PCDHGA7: variants seen among roughly 807,000 people sequenced by gnomAD.
PCDHGA7 encodes protocadherin gamma subfamily A, 7, also known as protocadherin gamma-A7.
A neutral mutation model predicts 58.3 loss-of-function variants in PCDHGA7; 44 were observed. The ratio of observed to expected loss-of-function variants is 0.75; its 90% CI spans 0.59 to 0.97. The LOEUF (loss-of-function observed/expected upper bound fraction) is 0.97. Ranked by LOEUF, PCDHGA7 falls within the 50% of genes least tolerant of loss-of-function variation. The pLI, the probability that PCDHGA7 is intolerant of heterozygous loss-of-function variation, is 0.00. For missense variants in PCDHGA7, 1,266 were observed against 1,188.7 expected (o/e 1.06, Z -0.96); for synonymous variants, 516 against 504.2 (o/e 1.02, Z -0.31).
At chr5:141,482,555 T>C (rs1419129474) in intron 1 of PCDHGA7, among the ~76,000 whole-genome samples, 1 of 116,392 alleles carries the variant, frequency 8.6e-6, no homozygotes, top group African/African-American at 3.8e-5. Context: ...AAAAAGATAA[T>C]GGAGATCTGC....
Position 141,430,120 on chromosome 5 carries a change from G to A in PCDHGA7, c.2424+44797G>A, listed in dbSNP as rs73280905. Among the ~76,000 whole-genome samples, 1,257 of 152,134 alleles carry A rather than the reference G, an allele frequency of 8.3e-3. 17 individuals are homozygous for A. Among genetic ancestry groups the A allele is most frequent in the African/African-American group, 0.029 (1,193 of 41,506 alleles). Reference sequence around the variant, plus strand: ...TTAAGCGTTACATGTCAACAACCTGGTAAAGTAATCCTTCCATTCAGGATC... The same window carrying A: ...TTAAGCGTTACATGTCAACAACCTGATAAAGTAATCCTTCCATTCAGGATC... On this transcript the variant is annotated intron_variant, in intron 1 of 3. Coordinates refer to ENST00000518325, the MANE Select transcript of PCDHGA7 (RefSeq NM_018920.4).
intron 1 of PCDHGA7, among the ~76,000 whole-genome samples, chr5:141,470,055 G>A (rs1432696943): frequency 1.3e-5 from 2 of 152,192 alleles, no homozygotes; most frequent in Non-Finnish European, 1.5e-5. Context: ...TTTGAACCCC[G>A]GAGGCAGAGA....
At chr5:141,510,519 C>A (rs182721864) in intron 3 of PCDHGA7, among the ~76,000 whole-genome samples, 1 of 152,260 alleles carries the variant, frequency 6.6e-6, no homozygotes, top group East Asian at 1.9e-4. Context: ...CGTGTCACAG[C>A]CCTGAGAGAA....
At chr5:141,441,791 C>T in intron 1 of PCDHGA7, 1 of 390,714 alleles carries the variant, frequency 2.6e-6, no homozygotes, top group Non-Finnish European at 5.1e-6. Flanking sequence ...TGAATGACAA[C>T]GCACCGCGGG....
At chr5:141,441,916 C>T (rs1340767725) in intron 1 of PCDHGA7, 9 of 352,248 alleles carry the variant, frequency 2.6e-5, no homozygotes, top group Non-Finnish European at 4.9e-5. Context: ...AGATGTGAGA[C>T]ACAATGCGTG....
At chr5:141,386,658 G>A (rs191902245) in intron 1 of PCDHGA7, among the ~76,000 whole-genome samples, 60 of 151,932 alleles carry the variant, frequency 3.9e-4, no homozygotes, top group African/African-American at 1.4e-3. Context: ...TACAAGTTCT[G>A]CAGTGTTCAC....
chr5:141,408,842 G>A, intron 1 of PCDHGA7: 1 of 1,613,598 alleles, frequency 6.2e-7, no homozygotes, highest in African/African-American at 1.3e-5. Flanking sequence ...GATATTGACT[G>A]CCTTGGACGG....
intron 2 of PCDHGA7, among the ~76,000 whole-genome samples, chr5:141,497,859 G>A (rs188372194): frequency 2.0e-4 from 31 of 152,134 alleles, no homozygotes; most frequent in Middle Eastern, 6.8e-3. Context: ...TTGATTCAGC[G>A]GCTCCAAAGT....
chr5:141,404,555 A>G (rs751841732), intron 1 of PCDHGA7: 1 of 1,613,802 alleles, frequency 6.2e-7, no homozygotes, highest in African/African-American at 1.3e-5. Flanking sequence ...GGTGACGGCA[A>G]GTGACAGTGG....
Position 141,486,632 on chromosome 5 carries a change from A to G in PCDHGA7, c.2425-8175A>G, listed in dbSNP as rs1304397413. The G allele has an allele frequency of 6.2e-7, 1 of 1,613,580 alleles. No individual in the cohort carries two copies. Among genetic ancestry groups the G allele is most frequent in the Non-Finnish European group, 8.5e-7 (1 of 1,180,040 alleles). ...AGCCTCTGACCCAGACTCTGGCTTG[A>G]ATGCGCTTATCTCCTACTCACTCCT... On this transcript the variant is annotated intron_variant, in intron 1 of 3. Coordinates refer to ENST00000518325, the MANE Select transcript of PCDHGA7 (RefSeq NM_018920.4). This position sits in a 1 kb window ranked among gnomAD's most constrained non-coding sequence, Gnocchi z 5.0.
In PCDHGA7 at chr5:141,431,457, T is replaced by C; in HGVS notation, c.2424+46134T>C. ...ACCGCGCGCATCCGCGTGATGGTTC[T>C]GGATGCGAACGACAACGCACCAGCG... On this transcript the variant is annotated intron_variant, in intron 1 of 3. Transcript: ENST00000518325. This position sits in a 1 kb window ranked among gnomAD's most constrained non-coding sequence, Gnocchi z 4.8. 6.2e-7 allele frequency: 1 copy of C among 1,613,818 alleles called. No homozygotes were observed. Among genetic ancestry groups the C allele is most frequent in the South Asian group, 1.1e-5 (1 of 91,088 alleles).
intron 1 of PCDHGA7, chr5:141,400,677 ATTGTGAGTT>A (rs1177028391): frequency 1.1e-6 from 1 of 900,130 alleles, no homozygotes; most frequent in African/African-American, 1.7e-5. Flanking sequence ...GGAGCAGTAA[ATTGTGAGTT>A]TTTATGTCGC....
At position 141,476,304 on chromosome 5, in the gene PCDHGA7, C is replaced by T. The variant is rs769790423; in HGVS notation, c.2425-18503C>T. On this transcript the variant is annotated intron_variant, in intron 1 of 3. Coordinates refer to ENST00000518325, the MANE Select transcript of PCDHGA7 (RefSeq NM_018920.4). The surrounding 1 kb of genome is among the most constrained non-coding windows in gnomAD (Gnocchi z 7.6). Reference sequence around the variant, plus strand: ...GGTTTGGATCTCGGTAGCCTCTCAGCCCGCAGGTTCCGGGTGGTGTCTGGA... The same window carrying T: ...GGTTTGGATCTCGGTAGCCTCTCAGTCCGCAGGTTCCGGGTGGTGTCTGGA... The T allele has an allele frequency of 6.2e-7, 1 of 1,613,746 alleles. No individual in the cohort carries two copies. Among genetic ancestry groups the T allele is most frequent in the Admixed American group, 1.7e-5 (1 of 59,988 alleles).
rs867810670 is a variant in PCDHGA7 at position 141,385,551 on chromosome 5, T to C, written c.2424+228T>C. 11 of 1,313,528 alleles carry C rather than the reference T, an allele frequency of 8.4e-6. No individual in the cohort carries two copies. The African/African-American group carries it at 9.1e-5, about 11-fold the overall frequency. 81.4% of individuals were successfully genotyped at this position (1,313,528 alleles called of 1,614,324 possible). ...GATTATGAATATGTGGACTATCACA[T>C]TTTATAATTTCCACCTACTTTCCAA... On this transcript the variant is annotated intron_variant, in intron 1 of 3. Transcript: ENST00000518325.
chr5:141,463,927 A>G (rs1454864391), intron 1 of PCDHGA7, among the ~76,000 whole-genome samples: 1 of 152,206 alleles, frequency 6.6e-6, no homozygotes, highest in Non-Finnish European at 1.5e-5. Flanking sequence ...AAATCATTCT[A>G]TATAAATTTA....
chr5:141,404,429 G>A (rs760246804), intron 1 of PCDHGA7: 1 of 1,613,682 alleles, frequency 6.2e-7, no homozygotes, highest in East Asian at 2.2e-5. Flanking sequence ...CTCCTTGGCA[G>A]AGGATACCAT....
At chr5:141,480,948 G>C (rs1288557779) in intron 1 of PCDHGA7, among the ~76,000 whole-genome samples, 1 of 152,138 alleles carries the variant, frequency 6.6e-6, no homozygotes, top group Non-Finnish European at 1.5e-5. Context: ...TAGAGGCTGA[G>C]GCGGAAGCAT....
At chr5:141,394,071 A>G (rs953618981) in intron 1 of PCDHGA7, 1 of 1,613,908 alleles carries the variant, frequency 6.2e-7, no homozygotes, top group Non-Finnish European at 8.5e-7. Context: ...TATCTACAAT[A>G]TCACAGTGAT....
At chr5:141,409,429 C>T (rs767514268) in intron 1 of PCDHGA7, 3 of 1,613,872 alleles carry the variant, frequency 1.9e-6, no homozygotes, top group African/African-American at 1.3e-5. Flanking sequence ...CAGATGGAGC[C>T]CTGGACCGAG....
Sources: gnomAD v4.1 joint callset for allele counts (sites outside exome capture counted in the v4.1 genomes callset) on GRCh38, gnomAD v4.1.1 for gene constraint, Gnocchi (gnomAD v3.1) non-coding constraint, MANE v1.5 for transcripts, NCBI Gene and HGNC (gene_info 2026-07-23, HGNC 2026-07-21) for gene names.